The following ELP1 variants were observed in gnomAD, a reference collection of about 807,000 sequenced individuals.
ELP1 encodes the protein elongator acetyltransferase complex subunit 1, also known as elongator complex protein 1.
ELP1 carries 131 observed loss-of-function variants against 183.2 expected under a neutral mutation model. The ratio of observed to expected loss-of-function variants is 0.72; its 90% confidence interval spans 0.62 to 0.83. The LOEUF (loss-of-function observed/expected upper bound fraction) is 0.83. Among genes scored for constraint, ELP1 ranks in the 40% least tolerant of loss-of-function variants. ELP1 has a pLI of 0.00. For missense variants in ELP1, 1,550 were observed against 1,594.9 expected, an observed-to-expected ratio of 0.97 and a Z score of 0.48; for synonymous variants, 555 against 569.0, an observed-to-expected ratio of 0.98 and a Z score of 0.35.
At chr9:108,932,846 T>G (rs1171743316) in intron 1 of ELP1, among the ~76,000 whole-genome samples, 1 of 152,186 alleles carries the variant, frequency 6.6e-6, no homozygotes, top group African/African-American at 2.4e-5. Context: ...CCAACCTTCC[T>G]GCCTCCACTG....
chr9:108,925,339 T>A (rs1439163141), intron 5 of ELP1, among the ~76,000 whole-genome samples: 1 of 152,230 alleles, frequency 6.6e-6, no homozygotes, highest in African/African-American at 2.4e-5. Context: ...ATTCTGCCAC[T>A]TCAGCAATGC....
At chr9:108,913,923 G>A (rs563865312) in intron 10 of ELP1, among the ~76,000 whole-genome samples, 2 of 152,198 alleles carry the variant, frequency 1.3e-5, no homozygotes, top group Admixed American at 6.5e-5. Context: ...TCTCAACTGC[G>A]GCTGTTTAAA....
At chr9:108,896,845 G>C in intron 24 of ELP1, 108 bp downstream of exon 24, 2 of 1,166,240 alleles carry the variant, frequency 1.7e-6, no homozygotes, top group Non-Finnish European at 2.6e-6. Flanking sequence ...CAACTAAAAA[G>C]TCACATGTTA....
At position 108,914,416 on chromosome 9, in the gene ELP1, G is replaced by C. The variant is rs111423134; in HGVS notation, c.958+1788C>G. 4.4e-5 allele frequency among the ~76,000 whole-genome samples: 5 copies of C among 112,510 alleles called. 1 individual carries two copies. The highest frequency in any genetic ancestry group is 2.4e-4 in the East Asian group (1 of 4,192). 73.8% of individuals were successfully genotyped at this position (112,510 alleles called of 152,430 possible). A position where few individuals can be genotyped will look rare whatever the true frequency, so the allele number is the denominator to read the frequency against. ...CCGTCTCCAAAAAAAAAAAAAAAGGGGGGGGGGGTTCTACTGATTAAAGAG... is the reference window on the plus strand; with the variant it reads ...CCGTCTCCAAAAAAAAAAAAAAAGGCGGGGGGGGTTCTACTGATTAAAGAG... On this transcript the variant is annotated intron_variant, in intron 10 of 36. Transcript: ENST00000374647.
chr9:108,887,769 A>G (rs10979589), intron 29 of ELP1, among the ~76,000 whole-genome samples: 3,779 of 152,298 alleles, frequency 0.025, 103 homozygotes, highest in East Asian at 0.098. Flanking sequence ...GTTACGTAGC[A>G]ATAGATAATA....
At chr9:108,870,781 T>C (rs1352993563) in intron 36 of ELP1, among the ~76,000 whole-genome samples, 4 of 152,176 alleles carry the variant, frequency 2.6e-5, no homozygotes, top group Non-Finnish European at 4.4e-5. Flanking sequence ...TCTTGAATAA[T>C]TGGAACCTTT....
chr9:108,931,309 G>A, intron 1 of ELP1, 108 bp from the exon 2 acceptor site: 3 of 746,544 alleles, frequency 4.0e-6, no homozygotes, highest in Admixed American at 4.9e-5. Flanking sequence ...ACCAAGAAAA[G>A]AAAAAACTTA....
intron 36 of ELP1, among the ~76,000 whole-genome samples, chr9:108,872,822 A>C (rs1587865487): frequency 4.7e-5 from 3 of 64,486 alleles, no homozygotes; most frequent in South Asian, 9.5e-4. Context: ...AAAAAAAAAA[A>C]AAAAAAAAAA....
Position 108,906,476 on chromosome 9 carries a change from A to C in ELP1, c.1470T>G (p.Phe490Leu), listed in dbSNP as rs768311202. 1 of 1,613,362 alleles carries C rather than the reference A, an allele frequency of 6.2e-7. No homozygotes were observed. Among genetic ancestry groups the C allele is most frequent in the East Asian group, 2.2e-5 (1 of 44,886 alleles). The change falls in exon 14 of 37, where the codon TTT becomes TTG. Residue 490 changes from phenylalanine (F) to leucine (L), a missense_variant. By Grantham distance (22) the Phe-to-Leu change is conservative. Transcript: ENST00000374647. ...TTACATCTTGATCTTCATTATTCTC[A>C]AACTGGATTCTATTGTAAATATTGA... ...PHLEKRYKIQ[F>L]ENNEDQDVNP... is the part of the protein sequence containing the mutation.
chr9:108,871,690 G>T (rs1827465824), intron 36 of ELP1, among the ~76,000 whole-genome samples: 1 of 152,074 alleles, frequency 6.6e-6, no homozygotes. Context: ...ACCATCCTTT[G>T]CTGGCATTAA....
chr9:108,900,487 T>C, intron 18 of ELP1, 112 bp from the exon 19 acceptor site: 2 of 802,566 alleles, frequency 2.5e-6, no homozygotes, highest in South Asian at 1.4e-5. Context: ...ATAACAACCA[T>C]GTGCCTTAGC....
intron 13 of ELP1, among the ~76,000 whole-genome samples, chr9:108,907,241 C>T (rs371761904): frequency 5.6e-4 from 86 of 152,282 alleles, no homozygotes; most frequent in Non-Finnish European, 1.2e-3. Context: ...CCCAAGATCA[C>T]GATGAGTACT....
At chr9:108,910,844 AC>A (rs1445178870) in intron 12 of ELP1, among the ~76,000 whole-genome samples, 165 bp downstream of exon 12, 14 of 151,158 alleles carry the variant, frequency 9.3e-5, no homozygotes, top group Non-Finnish European at 1.8e-4. Context: ...AAAAAAAAAA[AC>A]AAAAACCCAA....
Position 108,931,275 on chromosome 9 carries a change from G to A in ELP1, c.-55-74C>T, listed in dbSNP as rs139709112. 7.2e-6 allele frequency: 7 copies of A among 976,282 alleles called. No individual in the cohort carries two copies. The African/African-American group carries it at 8.1e-5, about 11-fold the overall frequency. The allele number at this position is 976,282 out of a possible 1,614,324, so 60.5% of individuals were successfully genotyped here. A position where few individuals can be genotyped will look rare whatever the true frequency, so the allele number is the denominator to read the frequency against. On this transcript the variant is annotated intron_variant, in intron 1 of 36. Coordinates refer to ENST00000374647, the MANE Select transcript of ELP1 (RefSeq NM_003640.5). ...TAAATGAAATGATTCAGGGGGTGAA[G>A]AAGTGGTAGTCAGAATCAGAATAAC... is the stretch of plus-strand genomic sequence containing the variant.
chr9:108,878,414 G>A (rs1462161957), intron 34 of ELP1, among the ~76,000 whole-genome samples: 2 of 152,168 alleles, frequency 1.3e-5, no homozygotes, highest in African/African-American at 4.8e-5. Flanking sequence ...TTCAGTTAGG[G>A]GGATGCCAAA....
At chr9:108,872,996 A>C (rs1228918213) in intron 36 of ELP1, among the ~76,000 whole-genome samples, 1 of 152,166 alleles carries the variant, frequency 6.6e-6, no homozygotes, top group Admixed American at 6.5e-5. Context: ...AGGACATGAC[A>C]TATTTCACAT....
chr9:108,929,775 T>C lies in ELP1; in HGVS notation c.297A>G (p.Thr99=), dbSNP rs1829937351. ...SGDVILCSLS[T]QQLECVGSVA... ...ACTGGAGTCTTCCACTTACCTGTTGTGTGCTGAGACTGCAGAGTATGACGT... is the reference window on the plus strand; with the variant it reads ...ACTGGAGTCTTCCACTTACCTGTTGCGTGCTGAGACTGCAGAGTATGACGT... Residue 99 remains threonine, a synonymous_variant, in exon 3 of 37, where the codon ACA becomes ACG. Transcript: ENST00000374647. 1 of 1,614,082 alleles carries C rather than the reference T, an allele frequency of 6.2e-7. No individual in the cohort carries two copies. The highest frequency in any genetic ancestry group is 8.5e-7 in the Non-Finnish European group (1 of 1,180,018).
chr9:108,923,938 G>T (rs1484992149), intron 5 of ELP1, among the ~76,000 whole-genome samples: 1 of 152,154 alleles, frequency 6.6e-6, no homozygotes, highest in African/African-American at 2.4e-5. Flanking sequence ...ATGAAGCAGG[G>T]CTGTTTGCAA....
At chr9:108,872,804 GA>G (rs58139943) in intron 36 of ELP1, among the ~76,000 whole-genome samples, 3 of 83,376 alleles carry the variant, frequency 3.6e-5, no homozygotes, top group South Asian at 4.6e-4. Flanking sequence ...GACTCTGTCT[GA>G]AAAAAAAAAA....
Sources: gnomAD v4.1 joint callset for allele counts (sites outside exome capture counted in the v4.1 genomes callset) on GRCh38, gnomAD v4.1.1 for gene constraint, MANE v1.5 for transcripts, NCBI Gene and HGNC (gene_info 2026-07-23, HGNC 2026-07-21) for gene names.